The following NOSTRIN variants were observed in gnomAD, a reference collection of about 807,000 sequenced individuals.
NOSTRIN encodes the protein BM247 homolog.
Under a neutral mutation model 59.0 loss-of-function variants are expected in NOSTRIN, and 63 were observed. The ratio of observed to expected loss-of-function variants is 1.07; its 90% CI spans 0.87 to 1.32. The LOEUF is 1.32. Among genes scored for constraint, NOSTRIN ranks in the 40% most tolerant of loss-of-function variants. The pLI, the probability that NOSTRIN is intolerant of heterozygous loss-of-function variation, is 0.00. For missense variants in NOSTRIN, 512 were observed against 473.1 expected (o/e 1.08, Z -0.76); for synonymous variants, 200 against 165.4 (o/e 1.21, Z -1.61).
At chr2:168,815,679 G>T (rs1487149656) in intron 2 of NOSTRIN, among the ~76,000 whole-genome samples, 1 of 152,192 alleles carries the variant, frequency 6.6e-6, no homozygotes, top group Non-Finnish European at 1.5e-5. Flanking sequence ...CATCCTGGGT[G>T]ACCTTAACTC....
chr2:168,843,761 C>A (rs542697324), intron 8 of NOSTRIN, among the ~76,000 whole-genome samples: 1 of 152,268 alleles, frequency 6.6e-6, no homozygotes, highest in East Asian at 1.9e-4. Flanking sequence ...AATTATTGTA[C>A]CCCTGTAGGG....
rs370163673 is a variant in NOSTRIN at position 168,864,982 on chromosome 2, G to C, written c.*12G>C. 1.2e-6 allele frequency: 2 copies of C among 1,613,568 alleles called. No individual in the cohort carries two copies. The highest frequency in any genetic ancestry group is 1.7e-5 in the Admixed American group (1 of 59,996). On this transcript the variant is annotated 3_prime_UTR_variant, in exon 16 of 16. Transcript: ENST00000317647. ...CTACAAAGGCATAAAACAAGACTCT[G>C]AACATACTACCTTCACACTCGGTAA...
intron 2 of NOSTRIN, among the ~76,000 whole-genome samples, chr2:168,820,388 A>AAGT (rs778107084): frequency 6.6e-6 from 1 of 152,164 alleles, no homozygotes; most frequent in African/African-American, 2.4e-5. Flanking sequence ...GGCACGTTGT[A>AAGT]AGTGCCCAGT....
At chr2:168,818,073 A>C (rs969320717) in intron 2 of NOSTRIN, 1 of 162,092 alleles carries the variant, frequency 6.2e-6, no homozygotes, top group African/African-American at 2.4e-5. Context: ...GAGGTTATTA[A>C]AATTCCTTCT....
chr2:168,832,561 C>T (rs555995726), intron 6 of NOSTRIN, among the ~76,000 whole-genome samples: 148 of 152,242 alleles, frequency 9.7e-4, no homozygotes, highest in African/African-American at 3.4e-3. Flanking sequence ...CTTGGTGTTA[C>T]TTCCAAAGCT....
chr2:168,863,460 C>G (rs978896520), intron 15 of NOSTRIN: 8 of 985,124 alleles, frequency 8.1e-6, no homozygotes, highest in Non-Finnish European at 9.6e-6. Flanking sequence ...GCTCTTGGAT[C>G]CTGACGGGGG....
chr2:168,826,002 T>C (rs1245685197), intron 3 of NOSTRIN, among the ~76,000 whole-genome samples: 2 of 152,208 alleles, frequency 1.3e-5, no homozygotes, highest in African/African-American at 4.8e-5. Flanking sequence ...ACTGCCCAGG[T>C]TTAAATTCTA....
chr2:168,857,871 T>C (rs1457717661), intron 12 of NOSTRIN, among the ~76,000 whole-genome samples: 1 of 152,204 alleles, frequency 6.6e-6, no homozygotes, highest in Non-Finnish European at 1.5e-5. Flanking sequence ...AGAAGACAGA[T>C]GCAGTGAGGT....
chr2:168,856,425 A>G (rs975383236), intron 11 of NOSTRIN: 17 of 405,130 alleles, frequency 4.2e-5, no homozygotes, highest in Non-Finnish European at 6.8e-5. Flanking sequence ...AAATACGAAA[A>G]TTAGCCGGAC....
upstream of NOSTRIN, among the ~76,000 whole-genome samples, chr2:168,799,567 C>T (rs1307693723): frequency 6.6e-6 from 1 of 152,186 alleles, no homozygotes; most frequent in Non-Finnish European, 1.5e-5. Context: ...CTCCTCACAA[C>T]CCATATCCAG....
intron 5 of NOSTRIN, among the ~76,000 whole-genome samples, chr2:168,829,711 T>C (rs1687263265): frequency 6.6e-6 from 1 of 152,208 alleles, no homozygotes; most frequent in Non-Finnish European, 1.5e-5. Context: ...GCAACATAAT[T>C]GGGTGTTTAA....
rs376356996 is a variant in NOSTRIN at position 168,855,433 on chromosome 2, A to G, written c.937A>G (p.Ile313Val). 1.7e-5 allele frequency: 27 copies of G among 1,609,816 alleles called. 2 individuals are homozygous for G. In the South Asian group the frequency reaches 2.2e-4, roughly 13 times the overall value. ...KPKLLRLQRDIEKASKDKEGL... is the reference protein window; with the variant it reads ...KPKLLRLQRDVEKASKDKEGL... ...AAAATTATTGAGACTGCAGAGAGAC[A>G]TTGAAAAAGCCTCAAAAGACAAGGA... is the stretch of plus-strand genomic sequence containing the variant. Residue 313 changes from isoleucine (I) to valine (V), a missense_variant, in exon 11 of 16, where the codon ATT becomes GTT. Physicochemically the swap from Ile to Val is conservative, Grantham distance 29 (BLOSUM62 3). Transcript: ENST00000317647.
upstream of NOSTRIN, among the ~76,000 whole-genome samples, chr2:168,796,066 G>A (rs913623056): frequency 2.0e-4 from 31 of 152,226 alleles, no homozygotes; most frequent in African/African-American, 5.8e-4. Context: ...ATCCCAGACT[G>A]AAAATAAGAG....
rs11374385 is a variant in NOSTRIN at position 168,824,768 on chromosome 2, T to TTTTG, written c.197+71_197+74dup. ...AAAATCAACCCTTTTTTTATTTGTT[T>TTTTG]TTTGTTTGTTTGTTTGTTTGTTTTT... On this transcript the variant is annotated intron_variant, in intron 3 of 15. Coordinates refer to ENST00000317647, the MANE Select transcript of NOSTRIN (RefSeq NM_001039724.4). 5.9e-3 allele frequency: 4,351 copies of TTTTG among 735,892 alleles called. 34 individuals are homozygous for TTTTG. Among genetic ancestry groups the TTTTG allele is most frequent in the South Asian group, 0.013 (834 of 66,356 alleles). The allele number at this position is 735,892 out of a possible 1,614,324, so 45.6% of individuals were successfully genotyped here.
At chr2:168,813,883 C>T (rs988689104) in intron 2 of NOSTRIN, among the ~76,000 whole-genome samples, 1 of 152,146 alleles carries the variant, frequency 6.6e-6, no homozygotes. Flanking sequence ...TAAACTTTTA[C>T]AATTAAATTA....
At chr2:168,832,468 G>A (rs955391836) in intron 6 of NOSTRIN, among the ~76,000 whole-genome samples, 2 of 152,094 alleles carry the variant, frequency 1.3e-5, no homozygotes, top group African/African-American at 4.8e-5. Flanking sequence ...TCTCCAAAGC[G>A]TTAGTGCCCA....
intron 1 of NOSTRIN, among the ~76,000 whole-genome samples, chr2:168,787,260 C>T (rs1685230792): frequency 6.6e-6 from 1 of 152,100 alleles, no homozygotes; most frequent in African/African-American, 2.4e-5. Context: ...ACCTGTTCTC[C>T]CCCTTAGTGG....
In NOSTRIN at chr2:168,862,058, C is replaced by A; in HGVS notation, c.1384+9C>A. On this transcript the variant is annotated intron_variant, in intron 15 of 15. Coordinates refer to ENST00000317647, the MANE Select transcript of NOSTRIN (RefSeq NM_001039724.4). ...GTTGAATTTGGAAAAGGGTAAGAAT[C>A]ATTCTCAAATATTTTAATTGCCTTC... 1 of 1,611,280 alleles carries A rather than the reference C, an allele frequency of 6.2e-7. No homozygotes were observed. The highest frequency in any genetic ancestry group is 1.3e-5 in the African/African-American group (1 of 74,990).
chr2:168,864,823 T>G lies in NOSTRIN; in HGVS notation c.1385-11T>G. On this transcript the variant is annotated splice_polypyrimidine_tract_variant and intron_variant, in intron 15 of 15. Transcript: ENST00000317647. ...TCACAGAGACCCATTTGTCTAACTG[T>G]ATTTTCACAGGTGACATTGTGATTA... 2 of 1,613,652 alleles carry G rather than the reference T, an allele frequency of 1.2e-6. No individual in the cohort carries two copies. Among genetic ancestry groups the G allele is most frequent in the Non-Finnish European group, 1.7e-6 (2 of 1,179,708 alleles).
Sources: gnomAD v4.1 joint callset for allele counts (sites outside exome capture counted in the v4.1 genomes callset) on GRCh38, gnomAD v4.1.1 for gene constraint, MANE v1.5 for transcripts, NCBI Gene and HGNC (gene_info 2026-07-23, HGNC 2026-07-21) for gene names.